Variants in RBFOX1 observed in about 807,000 individuals in gnomAD.
RBFOX1 encodes RNA binding fox-1 homolog 1.
In RBFOX1, 8 loss-of-function variants were observed where a neutral mutation model predicts 57.7. The ratio of observed to expected loss-of-function variants is 0.14; its 90% confidence interval spans 0.08 to 0.25. The LOEUF (loss-of-function observed/expected upper bound fraction) is 0.25. Among genes scored for constraint, RBFOX1 ranks in the 10% least tolerant of loss-of-function variants. RBFOX1 has a pLI of 1.00. For missense variants in RBFOX1, 611 were observed against 548.5 expected (o/e 1.11, Z -1.14); for synonymous variants, 326 against 222.4 (o/e 1.47, Z -4.15).
At chr16:5,293,267 G>A (rs990212934) in intron 1 of RBFOX1, among the ~76,000 whole-genome samples, 2 of 152,088 alleles carry the variant, frequency 1.3e-5, no homozygotes, top group African/African-American at 4.8e-5. Flanking sequence ...GGTGTCCTGT[G>A]TCCACACCCC....
intron 4 of RBFOX1, among the ~76,000 whole-genome samples, chr16:7,428,081 C>T (rs559616065): frequency 6.6e-6 from 1 of 152,246 alleles, no homozygotes; most frequent in Non-Finnish European, 1.5e-5. Context: ...TTGCCTCCTC[C>T]AGGAGGCCCC....
At chr16:6,559,176 T>A (rs1245017402) in intron 2 of RBFOX1, among the ~76,000 whole-genome samples, 1 of 152,108 alleles carries the variant, frequency 6.6e-6, no homozygotes, top group South Asian at 2.1e-4. Flanking sequence ...TGTGTACATA[T>A]ATATATACAC....
rs556652951 is a variant in RBFOX1, at chr16:7,637,182, A to G, written c.757+6499A>G. ...AGTTCCATGAAAGCCAGAGTTGAAC[A>G]GTAGATCCCCATCAGGATAAATCCT... On this transcript the variant is annotated intron_variant, in intron 11 of 15. Coordinates refer to ENST00000550418, the MANE Select transcript of RBFOX1 (RefSeq NM_018723.4). 4.6e-5 allele frequency among the ~76,000 whole-genome samples: 7 copies of G among 152,220 alleles called. No homozygotes were observed. In the South Asian group the frequency reaches 1.5e-3, roughly 32 times the overall value.
At chr16:6,568,055 G>T (rs904123410) in intron 2 of RBFOX1, among the ~76,000 whole-genome samples, 1 of 152,172 alleles carries the variant, frequency 6.6e-6, no homozygotes, top group Non-Finnish European at 1.5e-5. Flanking sequence ...CTTCTGGCCT[G>T]AAGTGGTCCA....
Position 7,587,141 on chromosome 16 carries a change from G to C in RBFOX1, c.415-106G>C, listed in dbSNP as rs539007445. On this transcript the variant is annotated intron_variant, in intron 6 of 15. Coordinates refer to ENST00000550418, the MANE Select transcript of RBFOX1 (RefSeq NM_018723.4). ...CATAAAACATAAAATGTGTATCCTT[G>C]GTATTAAAAGAGAAAAAAATGGACG... 4.0e-6 allele frequency: 5 copies of C among 1,249,980 alleles called. No individual in the cohort carries two copies. The African/African-American group carries it at 6.1e-5, about 15-fold the overall frequency. 77.4% of individuals were successfully genotyped at this position (1,249,980 alleles called of 1,614,324 possible). A position where few individuals can be genotyped will look rare whatever the true frequency, so the allele number is the denominator to read the frequency against.
At chr16:6,162,794 C>T (rs951488700) in intron 1 of RBFOX1, among the ~76,000 whole-genome samples, 1 of 152,142 alleles carries the variant, frequency 6.6e-6, no homozygotes, top group East Asian at 1.9e-4. Context: ...ACTGTAGTGA[C>T]ATGATCTCGG....
intron 3 of RBFOX1, among the ~76,000 whole-genome samples, chr16:6,911,197 T>G (rs2071491761): frequency 1.5e-5 from 1 of 65,862 alleles, no homozygotes; most frequent in East Asian, 8.1e-4. Context: ...AGTAAAATTG[T>G]GTCTCAAAAA....
chr16:7,424,272 A>T (rs903490225), intron 4 of RBFOX1, among the ~76,000 whole-genome samples: 1 of 135,120 alleles, frequency 7.4e-6, no homozygotes, highest in Non-Finnish European at 1.7e-5. Context: ...ATATACATAT[A>T]TATGGGGGTG....
chr16:7,414,385 G>A (rs4786163), intron 4 of RBFOX1, among the ~76,000 whole-genome samples: 28,693 of 152,120 alleles, frequency 0.19, 7,173 homozygotes, highest in African/African-American at 0.56. Context: ...TTTCTGAGAA[G>A]ATTACATGAG....
intron 2 of RBFOX1, among the ~76,000 whole-genome samples, chr16:6,646,909 C>T (rs2098538876): frequency 6.6e-6 from 1 of 152,124 alleles, no homozygotes; most frequent in African/African-American, 2.4e-5. Flanking sequence ...AAGGAAGATA[C>T]CGCGTGTACA....
Position 5,718,158 on chromosome 16 carries a change from A to C in RBFOX1, c.318+119197A>C, listed in dbSNP as rs143057140. Among the ~76,000 whole-genome samples, 495 of 152,350 alleles carry C rather than the reference A, an allele frequency of 3.2e-3. 2 individuals are homozygous for C. Among genetic ancestry groups the C allele is most frequent in the African/African-American group, 0.01 (429 of 41,576 alleles). On this transcript the variant is annotated intron_variant, in intron 3 of 19. Transcript: ENST00000641259. Reference sequence around the variant, plus strand: ...TCCTTCATGTGCCCCTGCCATTGTCATGATCCTCTTGAATAGCTGCTGTTC... The same window carrying C: ...TCCTTCATGTGCCCCTGCCATTGTCCTGATCCTCTTGAATAGCTGCTGTTC...
intron 1 of RBFOX1, among the ~76,000 whole-genome samples, chr16:6,124,489 C>A (rs1227786748): frequency 1.3e-5 from 2 of 152,066 alleles, no homozygotes; most frequent in African/African-American, 2.4e-5. Context: ...GCTGGAAAGC[C>A]CATTGTTGCC....
chr16:5,440,635 A>T (rs1019616856), intron 1 of RBFOX1, among the ~76,000 whole-genome samples: 1 of 152,158 alleles, frequency 6.6e-6, no homozygotes. Flanking sequence ...ATTTAGAAGC[A>T]AGACTGGCTG....
At chr16:6,055,072 C>T (rs2095598423) in intron 1 of RBFOX1, among the ~76,000 whole-genome samples, 1 of 152,146 alleles carries the variant, frequency 6.6e-6, no homozygotes, top group Admixed American at 6.5e-5. Context: ...TGTTCCTTTG[C>T]AGGGGACTTC....
At chr16:7,472,883 T>C (rs940092281) in intron 4 of RBFOX1, among the ~76,000 whole-genome samples, 1 of 152,240 alleles carries the variant, frequency 6.6e-6, no homozygotes, top group African/African-American at 2.4e-5. Context: ...CTTATGTATG[T>C]ATTGCTTTAT....
intron 1 of RBFOX1, among the ~76,000 whole-genome samples, chr16:6,096,008 G>A (rs1482861162): frequency 1.3e-5 from 2 of 152,172 alleles, no homozygotes; most frequent in African/African-American, 4.8e-5. Flanking sequence ...CCCCAAAGGT[G>A]GCCCTTTCAG....
chr16:6,907,900 G>A (rs574084967), intron 3 of RBFOX1, among the ~76,000 whole-genome samples: 20 of 151,764 alleles, frequency 1.3e-4, no homozygotes. Context: ...TGGCAGTCAT[G>A]GGTGCTCCTT....
chr16:6,733,181 T>C (rs2069122685), intron 3 of RBFOX1, among the ~76,000 whole-genome samples: 1 of 152,230 alleles, frequency 6.6e-6, no homozygotes, highest in Non-Finnish European at 1.5e-5. Context: ...CTCCCATAGG[T>C]CATTAGAAAG....
chr16:5,876,178 G>T (rs1411962630), intron 4 of RBFOX1, among the ~76,000 whole-genome samples: 1 of 151,980 alleles, frequency 6.6e-6, no homozygotes, highest in Non-Finnish European at 1.5e-5. Flanking sequence ...GGGGGTTAAT[G>T]AGTAAAAACA....
Sources: allele counts gnomAD v4.1 joint callset (sites outside exome capture counted in the v4.1 genomes callset), GRCh38; gene constraint gnomAD v4.1.1; transcripts MANE v1.5; gene names NCBI Gene and HGNC (gene_info 2026-07-23, HGNC 2026-07-21).